The following PCNX2 variants were observed in gnomAD, a reference collection of about 807,000 sequenced individuals.
PCNX2 encodes pecanex 2.
A neutral mutation model predicts 223.8 loss-of-function variants in PCNX2; 168 were observed. That is an observed-to-expected ratio of 0.75 (90% CI 0.66 to 0.85). PCNX2 has a LOEUF of 0.85. Among genes scored for constraint, PCNX2 ranks in the 40% least tolerant of loss-of-function variants. The pLI is 0.00. For missense variants in PCNX2, 2,507 were observed against 2,675.5 expected (o/e 0.94, Z 1.39); for synonymous variants, 1,006 against 1,052.6 (o/e 0.96, Z 0.86).
At chr1:233,181,232 C>G (rs1165650159) in intron 15 of PCNX2, 2 of 146,650 alleles carry the variant, frequency 1.4e-5, no homozygotes, top group Admixed American at 1.4e-4. Context: ...TGGAGTCACT[C>G]TCTATCACCC....
intron 21 of PCNX2, among the ~76,000 whole-genome samples, chr1:233,112,076 T>C (rs1021446841): frequency 4.6e-5 from 7 of 152,228 alleles, no homozygotes; most frequent in Non-Finnish European, 1.0e-4. Context: ...GTCTCATTCA[T>C]AGCCTTTCTT....
intron 25 of PCNX2, among the ~76,000 whole-genome samples, chr1:233,052,152 A>G (rs1210061542): frequency 6.6e-6 from 1 of 152,218 alleles, no homozygotes; most frequent in Non-Finnish European, 1.5e-5. Flanking sequence ...ATGCACACCT[A>G]AAACACAGAA....
intron 25 of PCNX2, among the ~76,000 whole-genome samples, chr1:233,028,837 TC>T (rs1384219157): frequency 2.2e-3 from 333 of 148,330 alleles, no homozygotes; most frequent in Non-Finnish European, 3.9e-3. Context: ...TTCTTTCCAG[TC>T]CTTTTTTTTT....
intron 25 of PCNX2, among the ~76,000 whole-genome samples, chr1:233,038,325 T>C (rs548689330): frequency 6.6e-6 from 1 of 152,180 alleles, no homozygotes; most frequent in African/African-American, 2.4e-5. Context: ...ATGTGAAAAC[T>C]AATGCACTCA....
rs763226760 is a variant in PCNX2 at position 233,250,771 on chromosome 1, T to C, written c.2190A>G (p.Leu730=). Residue 730 remains leucine, a synonymous_variant, in exon 8 of 34, where the codon CTA becomes CTG. Transcript: ENST00000258229. ...GNQKEGPLQP[L]PSNNDCLSQA... is the part of the protein sequence containing the mutation. ...GAGAGAGACAGTCATTATTTGATGG[T>C]AGAGGCTGTAAAGGGCCTTCTTTCT... is the stretch of plus-strand genomic sequence containing the variant. 1.9e-6 allele frequency: 3 copies of C among 1,607,448 alleles called. No homozygotes were observed. The highest frequency in any genetic ancestry group is 1.1e-5 in the South Asian group (1 of 89,152).
chr1:233,258,331 G>C lies in PCNX2; in HGVS notation c.1531C>G (p.Gln511Glu), dbSNP rs763511649. The C allele has an allele frequency of 6.2e-7, 1 of 1,613,884 alleles. No individual in the cohort carries two copies. Among genetic ancestry groups the C allele is most frequent in the African/African-American group, 1.3e-5 (1 of 74,926 alleles). ...GSESKVGKEG[Q>E]TNLDPSSCKS... ...CAAGACGATGGGTCAAGGTTAGTCT[G>C]GCCTTCCTTCCCCACCTTAGACTCG... Residue 511 changes from glutamine (Q) to glutamate (E), a missense_variant, in exon 5 of 34, where the codon CAG (glutamine) becomes GAG (glutamate). By Grantham distance (29) the Gln-to-Glu change is conservative. This residue lies in a region of PCNX2 where 1,031 missense variants were observed against 1,021.7 expected (regional missense o/e 1.01). Transcript: ENST00000258229.
At chr1:233,159,717 TTG>T (rs1203014045) in intron 19 of PCNX2, among the ~76,000 whole-genome samples, 2 of 152,258 alleles carry the variant, frequency 1.3e-5, no homozygotes, top group Non-Finnish European at 2.9e-5. Flanking sequence ...TGTGAAATGG[TTG>T]TGATTACCAG....
intron 7 of PCNX2, among the ~76,000 whole-genome samples, chr1:233,252,149 C>A (rs1331721347): frequency 6.6e-6 from 1 of 152,168 alleles, no homozygotes; most frequent in East Asian, 1.9e-4. Flanking sequence ...CTGAAAAAAT[C>A]AATAGCACAC....
At chr1:233,006,461 C>T (rs566491569) in intron 28 of PCNX2, among the ~76,000 whole-genome samples, 16 of 152,226 alleles carry the variant, frequency 1.1e-4, no homozygotes, top group Middle Eastern at 3.4e-3. Flanking sequence ...GCCATTTCCA[C>T]GATGCCCAGG....
intron 22 of PCNX2, among the ~76,000 whole-genome samples, chr1:233,094,670 A>G (rs190699432): frequency 7.3e-4 from 111 of 152,314 alleles, no homozygotes; most frequent in South Asian, 1.9e-3. Flanking sequence ...CACCAAGTTA[A>G]GGTCATAGAG....
chr1:233,135,264 T>C, intron 20 of PCNX2, 74 bp from the exon 21 acceptor site: 1 of 1,417,930 alleles, frequency 7.1e-7, no homozygotes, highest in Non-Finnish European at 9.6e-7. Flanking sequence ...TCGCTAACAA[T>C]TCTCCAGGAT....
chr1:233,295,350 C>G lies in PCNX2; in HGVS notation c.129G>C (p.Leu43=). Residue 43 remains leucine (L), a synonymous_variant, in exon 1 of 34, where the codon CTG becomes CTC. Coordinates refer to ENST00000258229, the MANE Select transcript of PCNX2 (RefSeq NM_014801.4). This position sits in a 1 kb window ranked among gnomAD's most constrained non-coding sequence, Gnocchi z 4.1. ...SCHLYLWLFL[L]LLPLALHLAF... ...CCAGGTGCAGGGCCAGGGGCAGCAG[C>G]AGGAGGAACAGCCACAGGTAGAGGT... The G allele has an allele frequency of 6.4e-7, 1 of 1,571,728 alleles. No homozygotes were observed. The highest frequency in any genetic ancestry group is 8.6e-7 in the Non-Finnish European group (1 of 1,158,204).
rs540101992 is a variant in PCNX2, at chr1:233,095,776, C to T, written c.3925G>A (p.Ala1309Thr). ...MAWGSSFHVF[A>T]QLFAIPHSAM... ...ATACGAGGAATGGCAAAGAGCTGAG[C>T]AAACACGTGAAACGAAGAACCCCAA... Residue 1309 changes from alanine (A) to threonine (T), a missense_variant, in exon 22 of 34, where the codon GCT (alanine) becomes ACT (threonine). Transcript: ENST00000258229. 1.2e-6 allele frequency: 2 copies of T among 1,608,734 alleles called. No homozygotes were observed. Among genetic ancestry groups the T allele is most frequent in the Non-Finnish European group, 1.7e-6 (2 of 1,176,732 alleles).
chr1:233,185,366 G>GT (rs1384113001), intron 15 of PCNX2, among the ~76,000 whole-genome samples: 3 of 152,090 alleles, frequency 2.0e-5, no homozygotes, highest in Non-Finnish European at 4.4e-5. Context: ...GGTAAGACCA[G>GT]TACCAGCCTC....
At chr1:233,302,084 C>T in the PCNX2 span, among the ~76,000 whole-genome samples, 8 of 151,872 alleles carry the variant, frequency 5.3e-5, no homozygotes, top group African/African-American at 1.7e-4. Context: ...TGAACCACTG[C>T]GCCCAGCCAA....
intron 21 of PCNX2, among the ~76,000 whole-genome samples, chr1:233,109,722 T>C (rs1411690304): frequency 6.6e-6 from 1 of 152,240 alleles, no homozygotes; most frequent in Non-Finnish European, 1.5e-5. Context: ...AGGCATGTTT[T>C]GAACCTCAGA....
intron 21 of PCNX2, among the ~76,000 whole-genome samples, chr1:233,112,133 A>C (rs539211118): frequency 5.3e-5 from 8 of 152,372 alleles, no homozygotes; most frequent in Middle Eastern, 3.4e-3. Context: ...AAGTACTTCC[A>C]AAACTGCTAG....
the PCNX2 span, among the ~76,000 whole-genome samples, chr1:233,312,962 A>G: frequency 6.6e-6 from 1 of 152,178 alleles, no homozygotes; most frequent in African/African-American, 2.4e-5. Context: ...GACACTGTGT[A>G]CCCAGAAGAT....
chr1:233,039,403 C>T (rs1262803066), intron 25 of PCNX2, among the ~76,000 whole-genome samples: 2 of 152,020 alleles, frequency 1.3e-5, no homozygotes, highest in East Asian at 1.9e-4. Context: ...TTTCTCATGT[C>T]GACAGTCGGG....
Sources: allele counts gnomAD v4.1 joint callset (sites outside exome capture counted in the v4.1 genomes callset), GRCh38; gene constraint gnomAD v4.1.1; regional missense constraint gnomAD v4.1.1; non-coding constraint Gnocchi (gnomAD v3.1); transcripts MANE v1.5; gene names NCBI Gene and HGNC (gene_info 2026-07-23, HGNC 2026-07-21).